TUSC2: variants seen among roughly 807,000 people sequenced by gnomAD.
TUSC2 encodes tumor suppressor 2, mitochondrial calcium regulator, also known as tumor suppressor candidate 2.
Under a neutral mutation model 11.5 loss-of-function variants are expected in TUSC2, and 7 were observed. That is an observed-to-expected ratio of 0.61 (90% CI 0.35 to 1.14). The LOEUF is 1.14. Among genes scored for constraint, TUSC2 ranks in the 50% most tolerant of loss-of-function variants. The pLI is 0.03. For missense variants in TUSC2, 132 were observed against 155.0 expected (o/e 0.85, Z 0.79); for synonymous variants, 61 against 64.1 (o/e 0.95, Z 0.23).
At chr3:50,327,813 C>A (rs1266350091) in intron 1 of TUSC2, 141 bp downstream of exon 1, 5 of 1,256,212 alleles carry the variant, frequency 4.0e-6, no homozygotes, top group Non-Finnish European at 5.1e-6. Flanking sequence ...GCTTTCTCCA[C>A]CCCCAGCTCC....
In TUSC2 at chr3:50,327,829, G is replaced by A. The variant is rs1378903806; in HGVS notation, c.146+125C>T. 7 of 1,299,808 alleles carry A rather than the reference G, an allele frequency of 5.4e-6. No homozygotes were observed. The African/African-American group carries it at 9.3e-5, about 17-fold the overall frequency. 80.5% of individuals were successfully genotyped at this position (1,299,808 alleles called of 1,614,324 possible). ...CTTTCTCCACCCCCAGCTCCAATGA[G>A]GCTCAAAATATGGGGGTCGTCCTGG... On this transcript the variant is annotated intron_variant, in intron 1 of 2. Transcript: ENST00000232496.
chr3:50,326,628 A>C (rs377065736), intron 1 of TUSC2, 151 bp from the exon 2 acceptor site: 1 of 1,223,458 alleles, frequency 8.2e-7, no homozygotes, highest in Non-Finnish European at 1.1e-6. Flanking sequence ...TTTAAAAAAA[A>C]TTTTTCGAGA....
rs1702782657 is a variant in TUSC2 at position 50,326,025 on chromosome 3, G to A, written c.*96C>T. ...CCAACAGAGTTTATTCAGGGTTGTG[G>A]CCCCAGCCTGGGCTCCTCAATGGAA... On this transcript the variant is annotated 3_prime_UTR_variant, in exon 3 of 3. Coordinates refer to ENST00000232496, the MANE Select transcript of TUSC2 (RefSeq NM_007275.3). 1 of 1,447,812 alleles carries A rather than the reference G, an allele frequency of 6.9e-7. No homozygotes were observed. The highest frequency in any genetic ancestry group is 9.5e-7 in the Non-Finnish European group (1 of 1,056,118). The allele number at this position is 1,447,812 out of a possible 1,614,324, so 89.7% of individuals were successfully genotyped here. A position where few individuals can be genotyped will look rare whatever the true frequency, so the allele number is the denominator to read the frequency against.
Position 50,328,175 on chromosome 3 carries a change from C to T in TUSC2, c.-76G>A. 7.8e-7 allele frequency: 1 copy of T among 1,288,994 alleles called. No individual in the cohort carries two copies. The highest frequency in any genetic ancestry group is 1.5e-5 in the African/African-American group (1 of 64,644). The allele number at this position is 1,288,994 out of a possible 1,614,324, so 79.8% of individuals were successfully genotyped here. A position where few individuals can be genotyped will look rare whatever the true frequency, so the allele number is the denominator to read the frequency against. ...CAGTCCGCACTACCATAACCTGCCC[C>T]AGCCGCTGATCGCAGGTGCCGCCGC... On this transcript the variant is annotated 5_prime_UTR_variant, in exon 1 of 3. Coordinates refer to ENST00000232496, the MANE Select transcript of TUSC2 (RefSeq NM_007275.3).
chr3:50,326,193 T>C lies in TUSC2; in HGVS notation c.268-7A>G. 1 of 1,604,456 alleles carries C rather than the reference T, an allele frequency of 6.2e-7. No homozygotes were observed. Among genetic ancestry groups the C allele is most frequent in the Non-Finnish European group, 8.5e-7 (1 of 1,175,556 alleles). ...GATCCAGCTTCACGATGCCCTGCCA[T>C]GGAAACAGAGGCTAGTAAGGGTCAG... On this transcript the variant is annotated splice_region_variant and splice_polypyrimidine_tract_variant and intron_variant, in intron 2 of 2. Coordinates refer to ENST00000232496, the MANE Select transcript of TUSC2 (RefSeq NM_007275.3).
At chr3:50,327,562 G>A (rs1702805185) in intron 1 of TUSC2, among the ~76,000 whole-genome samples, 1 of 152,166 alleles carries the variant, frequency 6.6e-6, no homozygotes, top group African/African-American at 2.4e-5. Flanking sequence ...CTACTGTCAG[G>A]AAAAGCAGCC....
At chr3:50,326,620 T>TA (rs35159350) in intron 1 of TUSC2, 143 bp from the exon 2 acceptor site, 19 of 1,302,058 alleles carry the variant, frequency 1.5e-5, no homozygotes, top group Non-Finnish European at 1.6e-5. Flanking sequence ...ATCCTTTTTT[T>TA]AAAAAAAATT....
intron 1 of TUSC2, chr3:50,327,290 A>G: frequency 4.4e-6 from 2 of 455,302 alleles, no homozygotes; most frequent in Non-Finnish European, 8.8e-6. Flanking sequence ...GTGGCTGGTG[A>G]ATTGCCACTG....
Position 50,325,199 on chromosome 3 carries a change from A to C in TUSC2, c.*922T>G, listed in dbSNP as rs1702770239. 1 of 152,006 alleles carries C rather than the reference A, an allele frequency of 6.6e-6. No individual in the cohort carries two copies. The highest frequency in any genetic ancestry group is 2.4e-5 in the African/African-American group (1 of 41,208). 9.4% of individuals were successfully genotyped at this position (152,006 alleles called of 1,614,324 possible). On this transcript the variant is annotated 3_prime_UTR_variant, in exon 3 of 3. Transcript: ENST00000232496. The surrounding 1 kb of genome is among the most constrained non-coding windows in gnomAD (Gnocchi z 5.1). ...GACTGATCCTGAAGGGGTGGGGGTT[A>C]CTGTAAGGGAGGGGGTGGTAGGCTA...
intron 1 of TUSC2, 69 bp downstream of exon 1, chr3:50,327,885 T>G: frequency 2.9e-6 from 4 of 1,383,688 alleles, no homozygotes; most frequent in South Asian, 1.6e-5. Context: ...GCGGTGGAAG[T>G]TCCCCCGTGG....
chr3:50,324,997 C>T lies in TUSC2; in HGVS notation c.*1124G>A, dbSNP rs1702767589. On this transcript the variant is annotated 3_prime_UTR_variant, in exon 3 of 3. Coordinates refer to ENST00000232496, the MANE Select transcript of TUSC2 (RefSeq NM_007275.3). ...GGGCCATCCTCCCCAAGCCATTTCCCACATTATAGAAGCACAGAGCTTGCA... is the reference window on the plus strand; with the variant it reads ...GGGCCATCCTCCCCAAGCCATTTCCTACATTATAGAAGCACAGAGCTTGCA... 1 of 152,524 alleles carries T rather than the reference C, an allele frequency of 6.6e-6. No homozygotes were observed. Among genetic ancestry groups the T allele is most frequent in the African/African-American group, 2.4e-5 (1 of 41,412 alleles). 9.4% of individuals were successfully genotyped at this position (152,524 alleles called of 1,614,324 possible).
At chr3:50,326,268 G>A (rs1285637657) in intron 2 of TUSC2, 82 bp from the exon 3 acceptor site, 16 of 1,610,120 alleles carry the variant, frequency 9.9e-6, no homozygotes, top group South Asian at 3.3e-5. Context: ...AGATCCCCCC[G>A]CAAAAGCCCC....
chr3:50,328,174 C>G lies in TUSC2; in HGVS notation c.-75G>C. On this transcript the variant is annotated 5_prime_UTR_variant, in exon 1 of 3. Transcript: ENST00000232496. ...GCAGTCCGCACTACCATAACCTGCC[C>G]CAGCCGCTGATCGCAGGTGCCGCCG... is the stretch of plus-strand genomic sequence containing the variant. The G allele has an allele frequency of 5.4e-6, 7 of 1,289,944 alleles. No homozygotes were observed. Among genetic ancestry groups the G allele is most frequent in the Non-Finnish European group, 6.9e-6 (7 of 1,016,506 alleles). The allele number at this position is 1,289,944 out of a possible 1,614,324, so 79.9% of individuals were successfully genotyped here.
intron 1 of TUSC2, chr3:50,327,146 T>G (rs782651503): frequency 4.4e-6 from 2 of 456,496 alleles, no homozygotes; most frequent in Non-Finnish European, 4.4e-6. Context: ...GTGGGCAGGG[T>G]GGTGGCCTGG....
intron 1 of TUSC2, 117 bp downstream of exon 1, chr3:50,327,837 A>G: frequency 1.5e-6 from 2 of 1,319,710 alleles, no homozygotes; most frequent in East Asian, 3.1e-5. Flanking sequence ...GAGGCTCAAA[A>G]TATGGGGGTC....
intron 1 of TUSC2, chr3:50,327,002 C>G (rs1702800061): frequency 2.8e-6 from 1 of 357,352 alleles, no homozygotes; most frequent in African/African-American, 2.2e-5. Flanking sequence ...GCTACTATGT[C>G]AGACCCCCAA....
Position 50,328,138 on chromosome 3 carries a change from C to T in TUSC2, c.-39G>A, listed in dbSNP as rs1036219434. The T allele has an allele frequency of 7.4e-6, 10 of 1,353,888 alleles. No homozygotes were observed. The highest frequency in any genetic ancestry group is 6.2e-5 in the East Asian group (2 of 32,498). The allele number at this position is 1,353,888 out of a possible 1,614,324, so 83.9% of individuals were successfully genotyped here. ...GCGCATGGCGGGCCCCGTGGCCGCT[C>T]TGCTCACACCGCAGTCCGCACTACC... On this transcript the variant is annotated 5_prime_UTR_variant, in exon 1 of 3. Transcript: ENST00000232496.
Position 50,327,979 on chromosome 3 carries a change from G to T in TUSC2, c.121C>A (p.Pro41Thr). The stretch of plus-strand genomic sequence containing the variant: ...CCGCGGCGCGTGAATACGAAGGGGG[G>T]CACAGCTCGGCCCCGAGGCCGCACC... ...ALVRPRGRAVPPFVFTRRGSM... is the reference protein window; with the variant it reads ...ALVRPRGRAVTPFVFTRRGSM... Residue 41 changes from proline to threonine, a missense_variant, in exon 1 of 3, where the codon CCC becomes ACC. By Grantham distance (38) the Pro-to-Thr change is conservative (BLOSUM62 -1). Coordinates refer to ENST00000232496, the MANE Select transcript of TUSC2 (RefSeq NM_007275.3). 1.3e-6 allele frequency: 2 copies of T among 1,541,630 alleles called. No individual in the cohort carries two copies. The highest frequency in any genetic ancestry group is 1.7e-6 in the Non-Finnish European group (2 of 1,147,278).
rs782507840 is a variant in TUSC2, at chr3:50,325,790, T to C, written c.*331A>G. 2.2e-4 allele frequency: 85 copies of C among 388,076 alleles called. No individual in the cohort carries two copies. Among genetic ancestry groups the C allele is most frequent in the Admixed American group, 4.0e-4 (10 of 25,014 alleles). The allele number at this position is 388,076 out of a possible 1,614,324, so 24.0% of individuals were successfully genotyped here. On this transcript the variant is annotated 3_prime_UTR_variant, in exon 3 of 3. Coordinates refer to ENST00000232496, the MANE Select transcript of TUSC2 (RefSeq NM_007275.3). This position sits in a 1 kb window ranked among gnomAD's most constrained non-coding sequence, Gnocchi z 5.1. ...TAGCAGGGCTAGGCCCCAGGCAAAC[T>C]TGGAAGAAAGCAGACCAGGCAAGGA...
Sources: gnomAD v4.1 joint callset for allele counts (sites outside exome capture counted in the v4.1 genomes callset) on GRCh38, gnomAD v4.1.1 for gene constraint, Gnocchi (gnomAD v3.1) non-coding constraint, MANE v1.5 for transcripts, NCBI Gene and HGNC (gene_info 2026-07-23, HGNC 2026-07-21) for gene names.